CXCL11: variants seen among roughly 807,000 people sequenced by gnomAD.
The protein encoded by CXCL11 is C-X-C motif chemokine ligand 11, also known as C-X-C motif chemokine 11.
A neutral mutation model predicts 9.7 loss-of-function variants in CXCL11; 7 were observed. That is an observed-to-expected ratio of 0.72 (90% CI 0.41 to 1.36). The LOEUF (loss-of-function observed/expected upper bound fraction) is 1.36. Ranked by LOEUF, CXCL11 falls within the 40% of genes most tolerant of loss-of-function variation. The pLI, the probability that CXCL11 is intolerant of heterozygous loss-of-function variation, is 0.01. For missense variants in CXCL11, 107 were observed against 113.4 expected (o/e 0.94, Z 0.26); for synonymous variants, 35 against 34.4 (o/e 1.02, Z -0.06).
At position 76,033,719 on chromosome 4, in the gene CXCL11, G is replaced by GA. The variant is rs1400323444; in HGVS notation, c.*1073dup. ...AGAAAGGTTGTGGTAGTTTATTAGA[G>GA]AAAAAAATGACTTTGATTCTTTAAA... On this transcript the variant is annotated 3_prime_UTR_variant, in exon 4 of 4. Transcript: ENST00000306621. The GA allele has an allele frequency of 1.3e-5, 2 of 151,994 alleles. No homozygotes were observed. The highest frequency in any genetic ancestry group is 4.8e-5 in the African/African-American group (2 of 41,392). The allele number at this position is 151,994 out of a possible 1,614,324, so 9.4% of individuals were successfully genotyped here.
chr4:76,034,081 C>T lies in CXCL11; in HGVS notation c.*712G>A, dbSNP rs991992475. 4 of 180,722 alleles carry T rather than the reference C, an allele frequency of 2.2e-5. No individual in the cohort carries two copies. Among genetic ancestry groups the T allele is most frequent in the Non-Finnish European group, 4.6e-5 (4 of 87,634 alleles). 11.2% of individuals were successfully genotyped at this position (180,722 alleles called of 1,614,324 possible). On this transcript the variant is annotated 3_prime_UTR_variant, in exon 4 of 4. Transcript: ENST00000306621. ...GGTTATGAAATATGTGCACTTTTGC[C>T]AGTATCCCATAGCGTATAATTTTTT...
chr4:76,034,356 A>C lies in CXCL11; in HGVS notation c.*437T>G. 2.4e-6 allele frequency: 1 copy of C among 421,986 alleles called. No homozygotes were observed. Among genetic ancestry groups the C allele is most frequent in the Non-Finnish European group, 4.1e-6 (1 of 243,036 alleles). The allele number at this position is 421,986 out of a possible 1,614,324, so 26.1% of individuals were successfully genotyped here. ...ATAGTAATATAGCATAAAGATCAAT[A>C]CAGACAGATGACTTCTAGAGACAGA... On this transcript the variant is annotated 3_prime_UTR_variant, in exon 4 of 4. Coordinates refer to ENST00000306621, the MANE Select transcript of CXCL11 (RefSeq NM_005409.5).
chr4:76,034,911 A>T (rs1462403410), intron 3 of CXCL11, 95 bp from the exon 4 acceptor site: 3 of 1,356,880 alleles, frequency 2.2e-6, no homozygotes, highest in African/African-American at 2.9e-5. Context: ...AGCTGTTACA[A>T]CCAAGGACCC....
In CXCL11 at chr4:76,034,777, A is replaced by G. The variant is rs952634518; in HGVS notation, c.*16T>C. 1.9e-5 allele frequency: 28 copies of G among 1,510,132 alleles called. No homozygotes were observed. Among genetic ancestry groups the G allele is most frequent in the South Asian group, 6.9e-5 (6 of 86,366 alleles). The allele number at this position is 1,510,132 out of a possible 1,614,324, so 93.5% of individuals were successfully genotyped here. On this transcript the variant is annotated 3_prime_UTR_variant, in exon 4 of 4. Coordinates refer to ENST00000306621, the MANE Select transcript of CXCL11 (RefSeq NM_005409.5). The stretch of plus-strand genomic sequence containing the variant: ...TTCAGATGCTCTTTTCCAGGACTTC[A>G]TATGTTTTGATATTTTTAAAAATTC...
In CXCL11 at chr4:76,034,388, C is replaced by A; in HGVS notation, c.*405G>T. ...GATGACTTCTAGAGACAGAAATGTT[C>A]TCATAGTCACAACAGAATAGTTGTA... On this transcript the variant is annotated 3_prime_UTR_variant, in exon 4 of 4. Transcript: ENST00000306621. 1 of 440,108 alleles carries A rather than the reference C, an allele frequency of 2.3e-6. No homozygotes were observed. The highest frequency in any genetic ancestry group is 3.9e-6 in the Non-Finnish European group (1 of 254,974). The allele number at this position is 440,108 out of a possible 1,614,324, so 27.3% of individuals were successfully genotyped here.
intron 1 of CXCL11, among the ~76,000 whole-genome samples, chr4:76,035,632 G>T (rs954197129): frequency 2.0e-5 from 3 of 152,180 alleles, no homozygotes; most frequent in African/African-American, 7.2e-5. Flanking sequence ...CAGGAAGCTT[G>T]TTAACATGAT....
chr4:76,035,091 G>A lies in CXCL11; in HGVS notation c.217C>T (p.Arg73Ter), dbSNP rs149207110. 1.2e-5 allele frequency: 20 copies of A among 1,601,506 alleles called. No homozygotes were observed. The highest frequency in any genetic ancestry group is 2.7e-5 in the African/African-American group (2 of 74,884). The change falls in exon 3 of 4, where the codon CGA becomes TGA. Residue 73 changes from arginine (R) to a stop codon, truncating the protein, a stop_gained. Transcript: ENST00000306621. LOFTEE classifies it high-confidence loss of function. ...IITLKENKGQ[R>*]CLNPKSKQAR... ...TGCTTCGATTTGGGATTTAGGCATC[G>A]TTGTCCTTTATTTTCTTTCAGGGTA...
Position 76,034,651 on chromosome 4 carries a change from C to T in CXCL11, c.*142G>A, listed in dbSNP as rs1437729991. On this transcript the variant is annotated 3_prime_UTR_variant, in exon 4 of 4. Transcript: ENST00000306621. ...CACCCACCTTTCATCCTTCACATAA[C>T]TGTACAAAAGTTGAAAGTCACAAAA... 4.2e-6 allele frequency: 3 copies of T among 717,776 alleles called. No individual in the cohort carries two copies. In the African/African-American group the frequency reaches 5.5e-5, roughly 13 times the overall value. 44.5% of individuals were successfully genotyped at this position (717,776 alleles called of 1,614,324 possible). A position where few individuals can be genotyped will look rare whatever the true frequency, so the allele number is the denominator to read the frequency against.
Position 76,034,055 on chromosome 4 carries a change from TG to T in CXCL11, c.*737del, listed in dbSNP as rs1486723949. On this transcript the variant is annotated 3_prime_UTR_variant, in exon 4 of 4. Transcript: ENST00000306621. ...CAAATTAAGACTGGTGCTACTAATTTGGTTATGAAATATGTGCACTTTTGCC... is the reference window on the plus strand; with the variant it reads ...CAAATTAAGACTGGTGCTACTAATTTGTTATGAAATATGTGCACTTTTGCC... 5 of 166,374 alleles carry T rather than the reference TG, an allele frequency of 3.0e-5. No homozygotes were observed. The highest frequency in any genetic ancestry group is 1.2e-4 in the African/African-American group (5 of 42,052). The allele number at this position is 166,374 out of a possible 1,614,324, so 10.3% of individuals were successfully genotyped here.
Position 76,035,917 on chromosome 4 carries a change from T to A in CXCL11, c.61+10A>T, listed in dbSNP as rs1299500638. 6.2e-7 allele frequency: 1 copy of A among 1,610,842 alleles called. No individual in the cohort carries two copies. Among genetic ancestry groups the A allele is most frequent in the Admixed American group, 1.7e-5 (1 of 59,546 alleles). ...AACTTATAGGTTGAGAAATAAAAAT[T>A]ACTGCATACCTTGAACAACTGTAGC... is the stretch of plus-strand genomic sequence containing the variant. On this transcript the variant is annotated intron_variant, in intron 1 of 3. Transcript: ENST00000306621.
intron 1 of CXCL11, 56 bp downstream of exon 1, chr4:76,035,871 C>G: frequency 6.9e-7 from 1 of 1,452,516 alleles, no homozygotes; most frequent in Non-Finnish European, 9.6e-7. Flanking sequence ...GAAGAAAAGA[C>G]ATTTGAAACA....
chr4:76,034,184 C>T lies in CXCL11; in HGVS notation c.*609G>A. The T allele has an allele frequency of 5.7e-6, 2 of 351,874 alleles. No homozygotes were observed. The highest frequency in any genetic ancestry group is 1.0e-5 in the Non-Finnish European group (2 of 197,394). 21.8% of individuals were successfully genotyped at this position (351,874 alleles called of 1,614,324 possible). On this transcript the variant is annotated 3_prime_UTR_variant, in exon 4 of 4. Transcript: ENST00000306621. ...AATGATGCATAAGAATGTCTCCCTACATATTGATGTGCTACATGATGTTTG... is the reference window on the plus strand; with the variant it reads ...AATGATGCATAAGAATGTCTCCCTATATATTGATGTGCTACATGATGTTTG...
rs1209323020 is a variant in CXCL11, at chr4:76,035,980, A to G, written c.8T>C (p.Val3Ala). 6.2e-7 allele frequency: 1 copy of G among 1,613,780 alleles called. No homozygotes were observed. Among genetic ancestry groups the G allele is most frequent in the Non-Finnish European group, 8.5e-7 (1 of 1,179,910 alleles). Residue 3 changes from valine (V) to alanine (A), a missense_variant, in exon 1 of 4, where the codon GTG becomes GCG. Val to Ala is a moderately conservative substitution (Grantham distance 64). Coordinates refer to ENST00000306621, the MANE Select transcript of CXCL11 (RefSeq NM_005409.5). The part of the protein sequence containing the change: MS[V>A]KGMAIALAVI... ...AGCCAAGGCTATAGCCATGCCCTTC[A>G]CACTCATGTTTGTTTTTTGCTGTTG...
rs1282745640 is a variant in CXCL11, at chr4:76,035,212, T to C, written c.188+4A>G. On this transcript the variant is annotated splice_donor_region_variant and intron_variant, in intron 2 of 3. Transcript: ENST00000306621. ...TTGTCATCTTCAGCAAGTTCATTAC[T>C]TACATCACTTCTATTTTGTCACAGT... is the stretch of plus-strand genomic sequence containing the variant. The C allele has an allele frequency of 1.9e-6, 3 of 1,614,124 alleles. No homozygotes were observed. The highest frequency in any genetic ancestry group is 2.5e-6 in the Non-Finnish European group (3 of 1,179,956).
rs778344552 is a variant in CXCL11 at position 76,035,066 on chromosome 4, T to A, written c.242A>T (p.Gln81Leu). The A allele has an allele frequency of 3.1e-5, 50 of 1,613,600 alleles. No homozygotes were observed. The highest frequency in any genetic ancestry group is 4.2e-5 in the Non-Finnish European group (49 of 1,179,634). ...GQRCLNPKSKQARLIIKKVER... is the reference protein window; with the variant it reads ...GQRCLNPKSKLARLIIKKVER... ...ACTTACTTTGATTATAAGCCTTGCT[T>A]GCTTCGATTTGGGATTTAGGCATCG... The change falls in exon 3 of 4, where the codon CAA becomes CTA. Residue 81 changes from glutamine (Q) to leucine (L), a missense_variant. Physicochemically the swap from Gln to Leu is moderately radical, Grantham distance 113. Transcript: ENST00000306621.
chr4:76,035,271 T>C lies in CXCL11; in HGVS notation c.133A>G (p.Ile45Val). The change falls in exon 2 of 4, where the codon ATT becomes GTT. Residue 45 changes from isoleucine to valine, a missense_variant. Physicochemically the swap from Ile to Val is conservative, Grantham distance 29 (BLOSUM62 3). Coordinates refer to ENST00000306621, the MANE Select transcript of CXCL11 (RefSeq NM_005409.5). ...GGGTACATTATGGAGGCTTTCTCAA[T>C]ATCTGCCACTTTCACTGCTTTTACC... ...PGVKAVKVAD[I>V]EKASIMYPSN... is the part of the protein sequence containing the mutation. 1.2e-6 allele frequency: 2 copies of C among 1,614,080 alleles called. No individual in the cohort carries two copies. The highest frequency in any genetic ancestry group is 1.1e-5 in the South Asian group (1 of 91,078).
At position 76,034,670 on chromosome 4, in the gene CXCL11, C is replaced by T. The variant is rs371562541; in HGVS notation, c.*123G>A. 5.7e-5 allele frequency: 47 copies of T among 829,550 alleles called. No homozygotes were observed. The African/African-American group carries it at 7.4e-4, about 13-fold the overall frequency. The allele number at this position is 829,550 out of a possible 1,614,324, so 51.4% of individuals were successfully genotyped here. On this transcript the variant is annotated 3_prime_UTR_variant, in exon 4 of 4. Transcript: ENST00000306621. ...ACATAACTGTACAAAAGTTGAAAGT[C>T]ACAAAACCATAGAAAAGTCTCAGTT...
intron 3 of CXCL11, 111 bp from the exon 4 acceptor site, chr4:76,034,927 C>T: frequency 1.0e-5 from 14 of 1,345,670 alleles, no homozygotes; most frequent in Non-Finnish European, 1.5e-5. Context: ...GACCCCTTAA[C>T]AGAATATTTC....
Position 76,036,019 on chromosome 4 carries a change from T to C in CXCL11, c.-32A>G. 2 of 1,603,006 alleles carry C rather than the reference T, an allele frequency of 1.2e-6. No individual in the cohort carries two copies. Among genetic ancestry groups the C allele is most frequent in the Non-Finnish European group, 1.7e-6 (2 of 1,172,196 alleles). ...TTTTTGCTGTTGCTGCTGGTGCTGC[T>C]GCTGCTACTTCAGCTTTGCTGCTCT... On this transcript the variant is annotated 5_prime_UTR_variant, in exon 1 of 4. Transcript: ENST00000306621.
Sources: gnomAD v4.1 joint callset for allele counts (sites outside exome capture counted in the v4.1 genomes callset) on GRCh38, gnomAD v4.1.1 for gene constraint, MANE v1.5 for transcripts, NCBI Gene and HGNC (gene_info 2026-07-23, HGNC 2026-07-21) for gene names.